The following GLIS3 variants were observed in gnomAD, a reference collection of about 807,000 sequenced individuals.
GLIS3 encodes the protein GLIS family zinc finger 3.
Under a neutral mutation model 78.6 loss-of-function variants are expected in GLIS3, and 53 were observed. The observed-to-expected ratio is 0.67, with a 90% CI of 0.54 to 0.85. The LOEUF (loss-of-function observed/expected upper bound fraction) is 0.85, where lower values mean the gene tolerates loss of function less well. Among genes scored for constraint, GLIS3 ranks in the 40% least tolerant of loss-of-function variants. GLIS3 has a pLI of 0.00. For missense variants in GLIS3, 1,703 were observed against 1,231.1 expected (o/e 1.38, Z -5.74); for synonymous variants, 684 against 509.9 (o/e 1.34, Z -4.60).
At chr9:4,181,317 C>T (rs1194766487) in intron 2 of GLIS3, among the ~76,000 whole-genome samples, 3 of 152,252 alleles carry the variant, frequency 2.0e-5, no homozygotes, top group African/African-American at 7.2e-5. Context: ...TTCACAGGAA[C>T]CATCCTCAGA....
At chr9:3,856,970 G>A (rs920949475) in intron 8 of GLIS3, among the ~76,000 whole-genome samples, 3 of 152,182 alleles carry the variant, frequency 2.0e-5, no homozygotes, top group African/African-American at 7.2e-5. Context: ...AATTGTGAAG[G>A]AAAATTGGAA....
At chr9:4,016,675 T>G (rs1357385469) in intron 4 of GLIS3, among the ~76,000 whole-genome samples, 1 of 152,144 alleles carries the variant, frequency 6.6e-6, no homozygotes, top group African/African-American at 2.4e-5. Context: ...TTTCCACAAT[T>G]GCTCTGCTCT....
intron 9 of GLIS3, among the ~76,000 whole-genome samples, chr9:3,837,438 A>T (rs1818422273): frequency 6.6e-6 from 1 of 152,228 alleles, no homozygotes; most frequent in Non-Finnish European, 1.5e-5. Context: ...AAAGGGTTGG[A>T]AAACTTATGT....
chr9:4,291,817 T>C (rs986559747), intron 1 of GLIS3, among the ~76,000 whole-genome samples: 15 of 152,158 alleles, frequency 9.9e-5, no homozygotes, highest in African/African-American at 3.6e-4. Flanking sequence ...TCTTAGAATC[T>C]CCTTTGCACT....
At chr9:4,080,113 C>T (rs192608091) in intron 4 of GLIS3, among the ~76,000 whole-genome samples, 1 of 152,160 alleles carries the variant, frequency 6.6e-6, no homozygotes, top group Middle Eastern at 3.2e-3. Context: ...ATATTGGAAC[C>T]CCCCTGGCTT....
At chr9:4,269,042 G>T (rs1343389442) in intron 2 of GLIS3, among the ~76,000 whole-genome samples, 1 of 152,166 alleles carries the variant, frequency 6.6e-6, no homozygotes, top group Non-Finnish European at 1.5e-5. Context: ...ACTGGATGCT[G>T]GCTAACATAC....
chr9:4,107,132 G>A (rs953686616), intron 4 of GLIS3, among the ~76,000 whole-genome samples: 6 of 152,248 alleles, frequency 3.9e-5, no homozygotes, highest in Admixed American at 1.3e-4. Flanking sequence ...AGACCAGGTC[G>A]CCACTCATGG....
chr9:4,375,765 G>A, the GLIS3 span, among the ~76,000 whole-genome samples: 23 of 152,310 alleles, frequency 1.5e-4, no homozygotes, highest in East Asian at 4.2e-3. Flanking sequence ...CAGTCAGTGC[G>A]AGTGGGAAAG....
intron 2 of GLIS3, among the ~76,000 whole-genome samples, chr9:4,173,177 T>C (rs1224642199): frequency 1.3e-5 from 2 of 152,156 alleles, no homozygotes; most frequent in Non-Finnish European, 2.9e-5. Flanking sequence ...GGTGGTGTCA[T>C]ACTAATATCA....
chr9:4,259,772 C>T (rs779313990), intron 2 of GLIS3, among the ~76,000 whole-genome samples: 1 of 152,162 alleles, frequency 6.6e-6, no homozygotes, highest in Non-Finnish European at 1.5e-5. Flanking sequence ...GACATGTGAG[C>T]TAAGAAAATG....
At chr9:3,880,893 C>T (rs1821685456) in intron 7 of GLIS3, among the ~76,000 whole-genome samples, 1 of 152,240 alleles carries the variant, frequency 6.6e-6, no homozygotes, top group Non-Finnish European at 1.5e-5. Flanking sequence ...AGCATTCTGT[C>T]AGGTTAACTC....
At chr9:4,368,060 C>G in the GLIS3 span, among the ~76,000 whole-genome samples, 2 of 152,160 alleles carry the variant, frequency 1.3e-5, no homozygotes, top group Non-Finnish European at 2.9e-5. Flanking sequence ...CCCAAGTTAA[C>G]CAGTCAATTC....
chr9:3,896,974 A>G (rs1319019521), intron 7 of GLIS3, among the ~76,000 whole-genome samples: 1 of 152,232 alleles, frequency 6.6e-6, no homozygotes, highest in Non-Finnish European at 1.5e-5. Flanking sequence ...TGGAATGACA[A>G]AAACATTTCA....
chr9:4,219,947 A>G (rs4740758), intron 2 of GLIS3, among the ~76,000 whole-genome samples: 133,223 of 152,142 alleles, frequency 0.88, 58,739 homozygotes, highest in Non-Finnish European at 0.93. Context: ...AAGTAACCAC[A>G]GCTCTCTGTG....
chr9:4,351,728 C>T (rs1817974238), upstream of GLIS3, among the ~76,000 whole-genome samples: 2 of 152,212 alleles, frequency 1.3e-5, no homozygotes, highest in Middle Eastern at 3.4e-3. Flanking sequence ...ACCCAAAGGA[C>T]TCTCTGTCAC....
intron 6 of GLIS3, 63 bp from the exon 7 acceptor site, chr9:3,898,898 G>C: frequency 1.9e-6 from 3 of 1,609,530 alleles, no homozygotes; most frequent in Non-Finnish European, 2.5e-6. Flanking sequence ...ATTTTCCTGG[G>C]AAGGCATCAT....
chr9:4,180,533 G>T (rs1817218009), intron 2 of GLIS3, among the ~76,000 whole-genome samples: 1 of 152,016 alleles, frequency 6.6e-6, no homozygotes, highest in Non-Finnish European at 1.5e-5. Flanking sequence ...ACACATAGTT[G>T]GCACTCACCA....
chr9:4,270,554 G>C (rs557766208), intron 2 of GLIS3, among the ~76,000 whole-genome samples: 4 of 152,274 alleles, frequency 2.6e-5, no homozygotes, highest in Admixed American at 6.5e-5. Context: ...AGGTGGGTTG[G>C]ACTGAGCCTC....
the GLIS3 span, among the ~76,000 whole-genome samples, chr9:4,475,741 G>T: frequency 6.6e-6 from 1 of 152,136 alleles, no homozygotes; most frequent in Admixed American, 6.6e-5. Context: ...CAAGGGAGGG[G>T]AATATGAATA....
Sources: gnomAD v4.1 joint callset for allele counts (sites outside exome capture counted in the v4.1 genomes callset) on GRCh38, gnomAD v4.1.1 for gene constraint, MANE v1.5 for transcripts, NCBI Gene and HGNC (gene_info 2026-07-23, HGNC 2026-07-21) for gene names.